The following DPP10 variants were observed in gnomAD, a reference collection of about 807,000 sequenced individuals.
DPP10 encodes dipeptidyl peptidase like 10.
Under a neutral mutation model 120.9 loss-of-function variants are expected in DPP10, and 33 were observed. The observed-to-expected ratio is 0.27, with a 90% CI of 0.21 to 0.37. The LOEUF is 0.37. Among genes scored for constraint, DPP10 ranks in the 10% least tolerant of loss-of-function variants. The probability of loss-of-function intolerance (pLI) is 1.00; values close to 1 mark genes in which losing one functional copy is unlikely to be tolerated. For synonymous variants in DPP10, 337 were observed against 326.1 expected, an observed-to-expected ratio of 1.03 and a Z score of -0.36; for missense variants, 816 against 942.8, an observed-to-expected ratio of 0.87 and a Z score of 1.76.
intron 1 of DPP10, among the ~76,000 whole-genome samples, chr2:114,739,167 G>T (rs1677773407): frequency 6.6e-6 from 1 of 152,164 alleles, no homozygotes; most frequent in African/African-American, 2.4e-5. Flanking sequence ...TTAGGAAAAT[G>T]ATAATCTAAA....
At chr2:115,202,282 G>C (rs910807704) in intron 1 of DPP10, among the ~76,000 whole-genome samples, 1 of 152,068 alleles carries the variant, frequency 6.6e-6, no homozygotes, top group East Asian at 1.9e-4. Context: ...TGAATTTTAA[G>C]TTAAGCAATT....
At chr2:115,748,402 T>A (rs1489718918) in intron 10 of DPP10, among the ~76,000 whole-genome samples, 1 of 152,038 alleles carries the variant, frequency 6.6e-6, no homozygotes, top group Non-Finnish European at 1.5e-5. Context: ...ACAAATATGA[T>A]CATCTCTTAG....
At chr2:115,657,412 T>C (rs1218450256) in intron 5 of DPP10, among the ~76,000 whole-genome samples, 2 of 151,826 alleles carry the variant, frequency 1.3e-5, no homozygotes, top group Non-Finnish European at 1.5e-5. Flanking sequence ...ACATTTCTTT[T>C]AATTTATGAA....
At chr2:114,867,304 AC>A (rs1213501658) in intron 1 of DPP10, among the ~76,000 whole-genome samples, 1 of 152,142 alleles carries the variant, frequency 6.6e-6, no homozygotes, top group African/African-American at 2.4e-5. Context: ...AGTTATGGGA[AC>A]TTTTTAATTA....
chr2:115,467,312 A>G lies in DPP10; in HGVS notation c.272-32198A>G, dbSNP rs570761288. Among the ~76,000 whole-genome samples the G allele has an allele frequency of 3.3e-5, 5 of 152,254 alleles. No individual in the cohort carries two copies. In the South Asian group the frequency reaches 1.0e-3, roughly 32 times the overall value. ...GGCAGTGGCTCACGTCTGTAATCCCAGCACTTTGGGAGGCTGAGGCGGACA... is the reference window on the plus strand; with the variant it reads ...GGCAGTGGCTCACGTCTGTAATCCCGGCACTTTGGGAGGCTGAGGCGGACA... On this transcript the variant is annotated intron_variant, in intron 3 of 25. Coordinates refer to ENST00000410059, the MANE Select transcript of DPP10 (RefSeq NM_020868.6).
chr2:115,836,086 T>G, intron 21 of DPP10, 71 bp from the exon 22 acceptor site: 1 of 795,042 alleles, frequency 1.3e-6, no homozygotes, highest in Non-Finnish European at 1.7e-6. Flanking sequence ...TATATATAAA[T>G]TTGTGTGTGT....
chr2:115,364,257 A>G (rs2064954983), intron 3 of DPP10, among the ~76,000 whole-genome samples: 1 of 151,738 alleles, frequency 6.6e-6, no homozygotes, highest in Non-Finnish European at 1.5e-5. Flanking sequence ...GGCAGGGTAG[A>G]TGGGGGTGGT....
intron 5 of DPP10, among the ~76,000 whole-genome samples, chr2:115,672,710 C>CTTTCTT (rs10648959): frequency 0.013 from 190 of 14,168 alleles, 3 homozygotes; most frequent in East Asian, 8.3e-3. Context: ...TTCTTTCTTT[C>CTTTCTT]TCTTTCTTTC....
At chr2:114,512,229 C>T (rs1398118043) in intron 1 of DPP10, among the ~76,000 whole-genome samples, 1 of 152,112 alleles carries the variant, frequency 6.6e-6, no homozygotes, top group African/African-American at 2.4e-5. Context: ...GTTATATAAC[C>T]AGGGGACCAC....
At chr2:115,169,830 C>T (rs1484630098) in intron 1 of DPP10, among the ~76,000 whole-genome samples, 2 of 152,012 alleles carry the variant, frequency 1.3e-5, no homozygotes, top group Non-Finnish European at 2.9e-5. Context: ...TTTCTCAGGT[C>T]AAGACAAAAT....
At chr2:115,343,488 ATTATAG>A (rs1485229796) in intron 2 of DPP10, among the ~76,000 whole-genome samples, 9 of 152,158 alleles carry the variant, frequency 5.9e-5, no homozygotes, top group Non-Finnish European at 1.2e-4. Context: ...AAGGGGCTGA[ATTATAG>A]TTAAATGGTA....
chr2:115,565,976 G>A (rs11900372), intron 5 of DPP10, among the ~76,000 whole-genome samples: 1,691 of 151,890 alleles, frequency 0.011, 32 homozygotes, highest in African/African-American at 0.039. Context: ...TGGTAGAGAC[G>A]GGGTTTCACC....
chr2:115,290,917 C>G (rs2060625678), intron 1 of DPP10, among the ~76,000 whole-genome samples: 1 of 151,988 alleles, frequency 6.6e-6, no homozygotes, highest in Non-Finnish European at 1.5e-5. Flanking sequence ...CAAGGTAATC[C>G]CTGCTAATCT....
chr2:115,202,027 T>C (rs1229534684), intron 1 of DPP10, among the ~76,000 whole-genome samples: 1 of 152,146 alleles, frequency 6.6e-6, no homozygotes, highest in African/African-American at 2.4e-5. Context: ...TTAATATCTG[T>C]GCATTCTTAA....
chr2:114,693,197 G>GT (rs753414414), intron 1 of DPP10, among the ~76,000 whole-genome samples: 66 of 151,908 alleles, frequency 4.3e-4, no homozygotes, highest in Non-Finnish European at 7.4e-4. Flanking sequence ...TTTCAGTGTG[G>GT]TTTTTTAGTG....
intron 1 of DPP10, among the ~76,000 whole-genome samples, chr2:114,586,417 C>T (rs1690985043): frequency 6.6e-6 from 1 of 152,200 alleles, no homozygotes; most frequent in Admixed American, 6.5e-5. Context: ...GTCTTACTCA[C>T]TGCATGATGT....
At chr2:115,523,535 A>G (rs1008491620) in intron 4 of DPP10, among the ~76,000 whole-genome samples, 3 of 151,980 alleles carry the variant, frequency 2.0e-5, no homozygotes, top group Non-Finnish European at 4.4e-5. Context: ...CAACGTTGGA[A>G]TTTTCTAATC....
intron 1 of DPP10, among the ~76,000 whole-genome samples, chr2:114,863,346 A>G (rs1263422107): frequency 6.6e-6 from 1 of 152,174 alleles, no homozygotes; most frequent in Non-Finnish European, 1.5e-5. Flanking sequence ...CCCTTTCCTA[A>G]ATGATTTTCT....
chr2:115,778,284 T>C (rs562745683), intron 15 of DPP10, among the ~76,000 whole-genome samples: 1 of 152,216 alleles, frequency 6.6e-6, no homozygotes, highest in African/African-American at 2.4e-5. Context: ...TTTCCCTCTT[T>C]GTCTTGTTGT....
Sources: gnomAD v4.1 joint callset for allele counts (sites outside exome capture counted in the v4.1 genomes callset) on GRCh38, gnomAD v4.1.1 for gene constraint, MANE v1.5 for transcripts, NCBI Gene and HGNC (gene_info 2026-07-23, HGNC 2026-07-21) for gene names.